The following ZNF385B variants were observed in gnomAD, a reference collection of about 807,000 sequenced individuals.
The protein encoded by ZNF385B is zinc finger protein 385B, also known as zinc finger protein 533.
ZNF385B carries 23 observed loss-of-function variants against 39.2 expected under a neutral mutation model. The observed-to-expected ratio is 0.59, with a 90% CI of 0.42 to 0.83. The LOEUF (loss-of-function observed/expected upper bound fraction) is 0.83, where lower values mean the gene tolerates loss of function less well. Ranked by LOEUF, ZNF385B falls within the 40% of genes least tolerant of loss-of-function variation. The probability of loss-of-function intolerance (pLI) is 0.00; values close to 1 mark genes in which losing one functional copy is unlikely to be tolerated. For missense variants in ZNF385B, 552 were observed against 598.9 expected (o/e 0.92, Z 0.82); for synonymous variants, 205 against 222.6 (o/e 0.92, Z 0.70).
At chr2:179,759,240 A>T (rs996916205) in intron 3 of ZNF385B, among the ~76,000 whole-genome samples, 2 of 152,154 alleles carry the variant, frequency 1.3e-5, no homozygotes, top group African/African-American at 4.8e-5. Context: ...GAAGCTGTGG[A>T]TGGGTCATGG....
intron 3 of ZNF385B, among the ~76,000 whole-genome samples, chr2:179,726,037 GCTTCT>G (rs1700998580): frequency 6.6e-6 from 1 of 151,616 alleles, no homozygotes; most frequent in Non-Finnish European, 1.5e-5. Flanking sequence ...TAGAGTCATA[GCTTCT>G]GCATATCTCC....
chr2:179,666,269 T>C lies in ZNF385B; in HGVS notation c.298+103234A>G, dbSNP rs151080118. Among the ~76,000 whole-genome samples the C allele has an allele frequency of 5.0e-3, 762 of 152,304 alleles. 4 individuals are homozygous for C. Among genetic ancestry groups the C allele is most frequent in the African/African-American group, 0.017 (701 of 41,552 alleles). ...CTATGAGACTGAAAATCATGTATTT[T>C]ATAAGAGTTGAGTTAGCTGAAGTCA... is the stretch of plus-strand genomic sequence containing the variant. On this transcript the variant is annotated intron_variant, in intron 3 of 9. Transcript: ENST00000410066.
intron 3 of ZNF385B, among the ~76,000 whole-genome samples, chr2:179,729,769 G>C (rs1326848587): frequency 6.6e-6 from 1 of 152,144 alleles, no homozygotes; most frequent in East Asian, 1.9e-4. Flanking sequence ...TTGGATCATG[G>C]GGGCGGTTCC....
intron 3 of ZNF385B, among the ~76,000 whole-genome samples, chr2:179,581,629 G>A (rs1197655272): frequency 6.6e-6 from 1 of 152,150 alleles, no homozygotes; most frequent in African/African-American, 2.4e-5. Flanking sequence ...CTTATGGTAG[G>A]CACTGCTAGT....
intron 1 of ZNF385B, among the ~76,000 whole-genome samples, chr2:179,847,580 T>C (rs1372071923): frequency 2.6e-5 from 4 of 152,198 alleles, no homozygotes; most frequent in Admixed American, 2.0e-4. Flanking sequence ...GGAGAAAGTT[T>C]TCCTAAACCC....
intron 3 of ZNF385B, among the ~76,000 whole-genome samples, chr2:179,657,714 A>C (rs1413665819): frequency 6.6e-6 from 1 of 152,234 alleles, no homozygotes; most frequent in Non-Finnish European, 1.5e-5. Flanking sequence ...TTAATAAGAC[A>C]GTTGATAAAA....
At chr2:179,647,374 T>C (rs187773673) in intron 3 of ZNF385B, among the ~76,000 whole-genome samples, 2 of 152,084 alleles carry the variant, frequency 1.3e-5, no homozygotes, top group Non-Finnish European at 2.9e-5. Context: ...TGCCCTGAAG[T>C]GTCCAGCCCA....
chr2:179,801,207 C>T (rs1706009996), intron 1 of ZNF385B, among the ~76,000 whole-genome samples: 1 of 152,030 alleles, frequency 6.6e-6, no homozygotes, highest in Non-Finnish European at 1.5e-5. Flanking sequence ...CTCCTTCATA[C>T]TATGGAGTTG....
intron 3 of ZNF385B, among the ~76,000 whole-genome samples, chr2:179,762,140 T>C (rs1300451067): frequency 6.6e-6 from 1 of 152,128 alleles, no homozygotes; most frequent in African/African-American, 2.4e-5. Context: ...TTAATGGATG[T>C]GATCATGTGA....
intron 3 of ZNF385B, among the ~76,000 whole-genome samples, chr2:179,669,848 T>C (rs1695676758): frequency 6.6e-6 from 1 of 152,156 alleles, no homozygotes; most frequent in African/African-American, 2.4e-5. Flanking sequence ...GTCTCACAAG[T>C]TAAACCCTCT....
chr2:179,702,698 T>C (rs985035061), intron 3 of ZNF385B, among the ~76,000 whole-genome samples: 9 of 152,182 alleles, frequency 5.9e-5, no homozygotes, highest in Non-Finnish European at 1.2e-4. Flanking sequence ...AACAAAAGTA[T>C]TCAAAAACAG....
At chr2:179,667,417 T>C (rs780338947) in intron 3 of ZNF385B, among the ~76,000 whole-genome samples, 1 of 152,062 alleles carries the variant, frequency 6.6e-6, no homozygotes, top group Non-Finnish European at 1.5e-5. Context: ...CCCCACCATT[T>C]TGTAGTTAAG....
At position 179,578,742 on chromosome 2, in the gene ZNF385B, T is replaced by C. The variant is rs1276731259; in HGVS notation, c.299-33773A>G. Among the ~76,000 whole-genome samples the C allele has an allele frequency of 2.6e-5, 4 of 152,110 alleles. No individual in the cohort carries two copies. In the East Asian group the frequency reaches 7.7e-4, roughly 29 times the overall value. On this transcript the variant is annotated intron_variant, in intron 3 of 9. Coordinates refer to ENST00000410066, the MANE Select transcript of ZNF385B (RefSeq NM_152520.6). ...TGTTCCTAAAGCTTGAAAGTCACAGTGGCCCTTCACTGTTTGTTCAGCTGA... is the reference window on the plus strand; with the variant it reads ...TGTTCCTAAAGCTTGAAAGTCACAGCGGCCCTTCACTGTTTGTTCAGCTGA...
intron 3 of ZNF385B, among the ~76,000 whole-genome samples, chr2:179,557,723 T>C (rs2061040067): frequency 6.6e-6 from 1 of 151,626 alleles, no homozygotes; most frequent in Non-Finnish European, 1.5e-5. Flanking sequence ...TGTTTTTAAG[T>C]ATATATACAT....
Position 179,553,335 on chromosome 2 carries a change from A to G in ZNF385B, c.299-8366T>C, listed in dbSNP as rs2060700528. ...CCAAATAATAGTATTATTTGATTCA[A>G]TAAATACTTATGAGGGACTAACAAG... On this transcript the variant is annotated intron_variant, in intron 3 of 9. Coordinates refer to ENST00000410066, the MANE Select transcript of ZNF385B (RefSeq NM_152520.6). 1.3e-5 allele frequency among the ~76,000 whole-genome samples: 2 copies of G among 149,170 alleles called. 1 individual carries two copies. The highest frequency in any genetic ancestry group is 3.0e-5 in the Non-Finnish European group (2 of 67,498).
chr2:179,813,022 T>C (rs1706834205), intron 1 of ZNF385B, among the ~76,000 whole-genome samples: 1 of 152,196 alleles, frequency 6.6e-6, no homozygotes, highest in Admixed American at 6.5e-5. Context: ...TTTATCTTTG[T>C]TAATTTTTAT....
At chr2:179,734,844 C>T (rs1438760932) in intron 3 of ZNF385B, among the ~76,000 whole-genome samples, 1 of 152,144 alleles carries the variant, frequency 6.6e-6, no homozygotes, top group Non-Finnish European at 1.5e-5. Flanking sequence ...AAAGCTGAAA[C>T]TGGATCCCTT....
intron 3 of ZNF385B, among the ~76,000 whole-genome samples, chr2:179,746,699 C>G (rs1039703301): frequency 1.3e-5 from 2 of 152,072 alleles, no homozygotes; most frequent in Non-Finnish European, 2.9e-5. Flanking sequence ...CAACTACCCC[C>G]AAATTTATAC....
chr2:179,799,738 T>C (rs1458799317), intron 1 of ZNF385B, among the ~76,000 whole-genome samples: 1 of 152,068 alleles, frequency 6.6e-6, no homozygotes, highest in African/African-American at 2.4e-5. Context: ...AAGCAATATA[T>C]AGACCCCAAA....
Sources: gnomAD v4.1 joint callset for allele counts (sites outside exome capture counted in the v4.1 genomes callset) on GRCh38, gnomAD v4.1.1 for gene constraint, MANE v1.5 for transcripts, NCBI Gene and HGNC (gene_info 2026-07-23, HGNC 2026-07-21) for gene names.